AKAP7: variants seen among roughly 807,000 people sequenced by gnomAD.
The protein encoded by AKAP7 is A kinase (PRKA) anchor protein 7.
A neutral mutation model predicts 39.5 loss-of-function variants in AKAP7; 39 were observed. That is an observed-to-expected ratio of 0.99 (90% CI 0.76 to 1.29). The LOEUF (loss-of-function observed/expected upper bound fraction) is 1.29. AKAP7 is among the 50% of genes most tolerant of loss of function. AKAP7 has a pLI of 0.00. For synonymous variants in AKAP7, 140 were observed against 139.1 expected (o/e 1.01, Z -0.05); for missense variants, 414 against 407.7 (o/e 1.02, Z -0.13).
At chr6:131,234,343 A>T (rs1383268942) in intron 7 of AKAP7, among the ~76,000 whole-genome samples, 1 of 152,170 alleles carries the variant, frequency 6.6e-6, no homozygotes, top group Non-Finnish European at 1.5e-5. Context: ...AAACAATTAC[A>T]ATTTAAAGTG....
At chr6:131,161,135 T>C (rs1403459042) in intron 3 of AKAP7, among the ~76,000 whole-genome samples, 1 of 152,134 alleles carries the variant, frequency 6.6e-6, no homozygotes, top group Non-Finnish European at 1.5e-5. Flanking sequence ...CAAATCAAAA[T>C]TAAAATGAAA....
At chr6:131,217,149 G>A (rs919171250) in intron 6 of AKAP7, among the ~76,000 whole-genome samples, 2 of 152,106 alleles carry the variant, frequency 1.3e-5, no homozygotes, top group African/African-American at 4.8e-5. Flanking sequence ...ATGCCACCAC[G>A]CAGCCTTTTT....
chr6:131,135,344 G>A (rs1320003716), upstream of AKAP7, among the ~76,000 whole-genome samples: 2 of 152,240 alleles, frequency 1.3e-5, no homozygotes, highest in Admixed American at 6.5e-5. Flanking sequence ...GCATTGCAGA[G>A]TCGAGACGAC....
intron 3 of AKAP7, chr6:131,164,521 C>T (rs139132960): frequency 2.4e-4 from 106 of 436,942 alleles, no homozygotes; most frequent in Admixed American, 4.4e-4. Context: ...ATGGTAATGC[C>T]CCTCCCCACA....
chr6:131,129,191 G>C, the AKAP7 span, among the ~76,000 whole-genome samples: 3 of 151,010 alleles, frequency 2.0e-5, no homozygotes, highest in Admixed American at 2.0e-4. Context: ...GGAGGCTGAG[G>C]CAGGAGAATT....
chr6:131,160,874 A>T (rs1338781613), intron 3 of AKAP7, among the ~76,000 whole-genome samples: 1 of 152,244 alleles, frequency 6.6e-6, no homozygotes, highest in Non-Finnish European at 1.5e-5. Context: ...CATACTGAGA[A>T]ACCCCTGAGA....
chr6:131,240,876 C>T (rs768588054), intron 7 of AKAP7, among the ~76,000 whole-genome samples: 2 of 152,162 alleles, frequency 1.3e-5, no homozygotes, highest in Admixed American at 6.5e-5. Context: ...ATGCCTTGCC[C>T]TGCTTCAGCT....
intron 6 of AKAP7, among the ~76,000 whole-genome samples, chr6:131,209,792 A>G (rs1379761959): frequency 6.6e-6 from 1 of 152,212 alleles, no homozygotes; most frequent in Non-Finnish European, 1.5e-5. Context: ...AGTCAAGGAC[A>G]AAGTGGAACA....
intron 5 of AKAP7, among the ~76,000 whole-genome samples, chr6:131,196,600 TTTAA>T (rs1336163136): frequency 1.3e-5 from 2 of 152,096 alleles, no homozygotes. Context: ...CTTGATTCTT[TTTAA>T]TTATTTCAAT....
the AKAP7 span, among the ~76,000 whole-genome samples, chr6:131,127,275 T>A: frequency 6.6e-6 from 1 of 152,166 alleles, no homozygotes; most frequent in African/African-American, 2.4e-5. Flanking sequence ...CCTCAAGTCA[T>A]CTGCCCACCT....
chr6:131,269,094 T>C (rs142068734), intron 7 of AKAP7, among the ~76,000 whole-genome samples: 11 of 152,190 alleles, frequency 7.2e-5, no homozygotes, highest in Non-Finnish European at 1.3e-4. Context: ...TCTCACTCAC[T>C]TTCTTTCGCC....
At chr6:131,193,475 T>A (rs929416545) in intron 5 of AKAP7, among the ~76,000 whole-genome samples, 1 of 151,826 alleles carries the variant, frequency 6.6e-6, no homozygotes, top group African/African-American at 2.4e-5. Flanking sequence ...AATTCAGTGA[T>A]TTTTGCATCA....
intron 2 of AKAP7, among the ~76,000 whole-genome samples, chr6:131,145,982 G>A (rs1336183963): frequency 6.6e-6 from 1 of 152,072 alleles, no homozygotes; most frequent in African/African-American, 2.4e-5. Flanking sequence ...AAAATGTTGA[G>A]CCAGCTACTT....
chr6:131,279,663 C>A (rs977687356), intron 7 of AKAP7, among the ~76,000 whole-genome samples: 1 of 152,146 alleles, frequency 6.6e-6, no homozygotes, highest in Non-Finnish European at 1.5e-5. Flanking sequence ...ACATTAGACC[C>A]AAAAGGGATT....
intron 1 of AKAP7, among the ~76,000 whole-genome samples, chr6:131,136,271 A>G (rs1047695138): frequency 5.9e-5 from 9 of 152,190 alleles, no homozygotes; most frequent in African/African-American, 1.2e-4. Context: ...AGTCTACACT[A>G]GCGCCCGGAA....
chr6:131,131,475 T>C (rs901237656), upstream of AKAP7, among the ~76,000 whole-genome samples: 59 of 151,822 alleles, frequency 3.9e-4, no homozygotes, highest in African/African-American at 1.4e-3. Context: ...TTCTTTTTTT[T>C]TTTTTTTTTG....
At position 131,279,619 on chromosome 6, in the gene AKAP7, C is replaced by G. The variant is rs558403107; in HGVS notation, c.851-1911C>G. On this transcript the variant is annotated intron_variant, in intron 7 of 7. Transcript: ENST00000431975. ...TGTGTTTAAGATAACAGGGACACTTCACTGTGGACTAGTAGAAATCACAGA... is the reference window on the plus strand; with the variant it reads ...TGTGTTTAAGATAACAGGGACACTTGACTGTGGACTAGTAGAAATCACAGA... 2.6e-5 allele frequency among the ~76,000 whole-genome samples: 4 copies of G among 152,280 alleles called. No homozygotes were observed. In the East Asian group the frequency reaches 7.7e-4, roughly 29 times the overall value.
intron 7 of AKAP7, among the ~76,000 whole-genome samples, chr6:131,235,154 G>A (rs1008510330): frequency 6.6e-5 from 10 of 152,134 alleles, no homozygotes; most frequent in Non-Finnish European, 1.0e-4. Context: ...GAGAACCTGC[G>A]GTGTTTGGTT....
intron 7 of AKAP7, among the ~76,000 whole-genome samples, chr6:131,259,889 C>T (rs1585196060): frequency 6.6e-6 from 1 of 152,138 alleles, no homozygotes; most frequent in Admixed American, 6.5e-5. Flanking sequence ...CTCCACCCAT[C>T]AACCCATCAC....
Sources: gnomAD v4.1 joint callset for allele counts (sites outside exome capture counted in the v4.1 genomes callset) on GRCh38, gnomAD v4.1.1 for gene constraint, MANE v1.5 for transcripts, NCBI Gene and HGNC (gene_info 2026-07-23, HGNC 2026-07-21) for gene names.